Variants in PALLD observed in about 807,000 individuals in gnomAD.
PALLD encodes the protein palladin, cytoskeletal associated protein.
PALLD carries 61 observed loss-of-function variants against 123.5 expected under a neutral mutation model. The ratio of observed to expected loss-of-function variants is 0.49; its 90% confidence interval spans 0.40 to 0.61. The LOEUF (loss-of-function observed/expected upper bound fraction) is 0.61, where lower values mean the gene tolerates loss of function less well. Among genes scored for constraint, PALLD ranks in the 20% least tolerant of loss-of-function variants. PALLD has a pLI of 0.00. For synonymous variants in PALLD, 465 were observed against 496.4 expected, an observed-to-expected ratio of 0.94 and a Z score of 0.84; for missense variants, 1,273 against 1,377.0, an observed-to-expected ratio of 0.92 and a Z score of 1.20.
At chr4:168,561,714 AT>A (rs1193754623) in intron 2 of PALLD, among the ~76,000 whole-genome samples, 1 of 152,142 alleles carries the variant, frequency 6.6e-6, no homozygotes, top group African/African-American at 2.4e-5. Flanking sequence ...TTCTCTTATT[AT>A]TTTTCTAACC....
At position 168,890,967 on chromosome 4, in the gene PALLD, T is replaced by A; in HGVS notation, c.2010T>A (p.Asp670Glu). The change falls in exon 11 of 22, where the codon GAT (aspartate) becomes GAA (glutamate). Residue 670 changes from aspartate to glutamate, a missense_variant. This residue lies in a region of PALLD where 944 missense variants were observed against 954.5 expected (regional missense o/e 0.99). Coordinates refer to ENST00000505667, the MANE Select transcript of PALLD (RefSeq NM_001166108.2). ...GTAGAACTGCTAGAATAGCCTCCGATGAGGAAATTCAAGGCACAAAGGATG... is the reference window on the plus strand; with the variant it reads ...GTAGAACTGCTAGAATAGCCTCCGAAGAGGAAATTCAAGGCACAAAGGATG... ...KASRTARIAS[D>E]EEIQGTKDAV... is the part of the protein sequence containing the mutation. 1 of 1,613,812 alleles carries A rather than the reference T, an allele frequency of 6.2e-7. No homozygotes were observed. The highest frequency in any genetic ancestry group is 8.5e-7 in the Non-Finnish European group (1 of 1,179,704).
intron 14 of PALLD, among the ~76,000 whole-genome samples, chr4:168,901,914 A>G (rs1230668571): frequency 6.6e-6 from 1 of 152,202 alleles, no homozygotes; most frequent in East Asian, 1.9e-4. Flanking sequence ...GATACTTTAC[A>G]TAATTTAAGT....
chr4:168,711,266 G>A (rs1784809217), intron 9 of PALLD, among the ~76,000 whole-genome samples: 1 of 152,194 alleles, frequency 6.6e-6, no homozygotes, highest in Admixed American at 6.5e-5. Flanking sequence ...ATTGTTGGTT[G>A]ATACTGTTTG....
intron 15 of PALLD, among the ~76,000 whole-genome samples, chr4:168,909,231 A>G (rs942817677): frequency 3.9e-5 from 6 of 152,176 alleles, no homozygotes; most frequent in Non-Finnish European, 7.4e-5. Flanking sequence ...TTTGTATTGC[A>G]CTTGGATTTT....
At chr4:168,603,075 A>G (rs1306633025) in intron 2 of PALLD, among the ~76,000 whole-genome samples, 1 of 152,202 alleles carries the variant, frequency 6.6e-6, no homozygotes, top group Non-Finnish European at 1.5e-5. Context: ...CCCTGAATGT[A>G]TTAAAACTAT....
At chr4:168,577,683 G>C (rs1044376496) in intron 2 of PALLD, among the ~76,000 whole-genome samples, 1 of 151,686 alleles carries the variant, frequency 6.6e-6, no homozygotes, top group African/African-American at 2.4e-5. Context: ...ACTCAAAAGA[G>C]GCCACCAGTT....
chr4:168,832,274 A>T, intron 10 of PALLD: 1 of 723,920 alleles, frequency 1.4e-6, no homozygotes, highest in Non-Finnish European at 1.7e-6. Context: ...AGGGCTCGGG[A>T]CAGGGTGGGG....
At chr4:168,841,360 A>G (rs1746010124) in intron 10 of PALLD, among the ~76,000 whole-genome samples, 1 of 152,238 alleles carries the variant, frequency 6.6e-6, no homozygotes, top group Non-Finnish European at 1.5e-5. Context: ...CAAATCTGGC[A>G]AAGTCAAATT....
At chr4:168,859,800 G>A (rs1026490317) in intron 10 of PALLD, among the ~76,000 whole-genome samples, 2 of 152,116 alleles carry the variant, frequency 1.3e-5, no homozygotes, top group Non-Finnish European at 2.9e-5. Context: ...CCACAATGAA[G>A]ACCACATATG....
chr4:168,562,641 C>T (rs1381070935), intron 2 of PALLD, among the ~76,000 whole-genome samples: 2 of 152,002 alleles, frequency 1.3e-5, no homozygotes, highest in Non-Finnish European at 2.9e-5. Context: ...GAAAGTGTTG[C>T]TGGAAAAGAA....
intron 2 of PALLD, among the ~76,000 whole-genome samples, chr4:168,556,787 G>A (rs577768126): frequency 6.6e-6 from 1 of 152,348 alleles, no homozygotes; most frequent in South Asian, 2.1e-4. Context: ...GGGAGGAAAA[G>A]TGTCACACCT....
chr4:168,902,315 T>C (rs1490603303), intron 14 of PALLD, among the ~76,000 whole-genome samples: 1 of 152,166 alleles, frequency 6.6e-6, no homozygotes, highest in Non-Finnish European at 1.5e-5. Flanking sequence ...AACAAATAAC[T>C]TGCTGTGGCT....
intron 2 of PALLD, among the ~76,000 whole-genome samples, chr4:168,586,524 T>C (rs1770838339): frequency 6.6e-6 from 1 of 152,132 alleles, no homozygotes; most frequent in Non-Finnish European, 1.5e-5. Flanking sequence ...CTCTTTACTT[T>C]AGAACTGGTA....
At position 168,927,113 on chromosome 4, in the gene PALLD, C is replaced by A. The variant is rs1183190450; in HGVS notation, c.*933C>A. ...ATAATATAAAGTGCTCTGAATAAAG[C>A]AGAAATATATTACAGTTCATTCCAC... On this transcript the variant is annotated 3_prime_UTR_variant, in exon 22 of 22. Transcript: ENST00000505667. 4 of 225,326 alleles carry A rather than the reference C, an allele frequency of 1.8e-5. No individual in the cohort carries two copies. Among genetic ancestry groups the A allele is most frequent in the Non-Finnish European group, 3.5e-5 (4 of 112,948 alleles). 14.0% of individuals were successfully genotyped at this position (225,326 alleles called of 1,614,324 possible).
chr4:168,728,203 C>T (rs968425681), intron 10 of PALLD, among the ~76,000 whole-genome samples: 2 of 152,034 alleles, frequency 1.3e-5, no homozygotes, highest in Non-Finnish European at 2.9e-5. Context: ...TTTTTTGGTT[C>T]CATATGAATT....
At chr4:168,616,747 G>A (rs1255046051) in intron 2 of PALLD, among the ~76,000 whole-genome samples, 1 of 152,174 alleles carries the variant, frequency 6.6e-6, no homozygotes, top group Non-Finnish European at 1.5e-5. Flanking sequence ...AGTGGCTCCA[G>A]GAATCTGAAT....
chr4:168,545,112 T>A (rs1363740558), intron 2 of PALLD, among the ~76,000 whole-genome samples: 2 of 152,172 alleles, frequency 1.3e-5, no homozygotes, highest in African/African-American at 4.8e-5. Context: ...CTGAAATCAT[T>A]TCCTCATGAG....
chr4:168,890,883 T>C, intron 10 of PALLD, 39 bp from the exon 11 acceptor site: 1 of 1,612,182 alleles, frequency 6.2e-7, no homozygotes, highest in Non-Finnish European at 8.5e-7. Context: ...TTTATATGCC[T>C]GACAACTAAC....
intron 2 of PALLD, among the ~76,000 whole-genome samples, chr4:168,566,892 C>G (rs1420144935): frequency 2.0e-5 from 3 of 151,948 alleles, no homozygotes; most frequent in African/African-American, 7.3e-5. Context: ...TTGGTCAGGC[C>G]CAACAGAGAT....
Sources: allele counts gnomAD v4.1 joint callset (sites outside exome capture counted in the v4.1 genomes callset), GRCh38; gene constraint gnomAD v4.1.1; regional missense constraint gnomAD v4.1.1; transcripts MANE v1.5; gene names NCBI Gene and HGNC (gene_info 2026-07-23, HGNC 2026-07-21).